Variants in GPHN observed in about 807,000 individuals in gnomAD.
The protein encoded by GPHN is gephyrin.
GPHN carries 17 observed loss-of-function variants against 95.5 expected under a neutral mutation model. The observed-to-expected ratio is 0.18, with a 90% CI of 0.12 to 0.27. GPHN has a LOEUF of 0.27. GPHN is among the 10% of genes least tolerant of loss of function. GPHN has a pLI of 1.00. For synonymous variants in GPHN, 320 were observed against 322.5 expected (o/e 0.99, Z 0.08); for missense variants, 660 against 978.1 (o/e 0.67, Z 4.34).
the GPHN span, among the ~76,000 whole-genome samples, chr14:67,672,326 C>T: frequency 1.4e-3 from 217 of 151,868 alleles, no homozygotes; most frequent in Non-Finnish European, 2.6e-3. Flanking sequence ...ACCATGTTGC[C>T]CAGGCTGGTC....
At chr14:66,947,337 G>A (rs1225822514) in intron 8 of GPHN, among the ~76,000 whole-genome samples, 1 of 152,202 alleles carries the variant, frequency 6.6e-6, no homozygotes, top group African/African-American at 2.4e-5. Flanking sequence ...TATGCCTGCA[G>A]TTATTCTCTA....
chr14:67,513,267 C>T, the GPHN span, among the ~76,000 whole-genome samples: 295 of 152,266 alleles, frequency 1.9e-3, 1 homozygote, highest in African/African-American at 6.9e-3. Flanking sequence ...CCAATAAAGC[C>T]GCTCCAGTGG....
At chr14:66,733,013 G>T (rs1419060278) in intron 2 of GPHN, among the ~76,000 whole-genome samples, 1 of 152,140 alleles carries the variant, frequency 6.6e-6, no homozygotes, top group African/African-American at 2.4e-5. Context: ...TCGGCTCTGG[G>T]TCCCCACCCA....
chr14:67,169,086 A>C lies in GPHN; in HGVS notation c.2079+50A>C, dbSNP rs766315097. ...CCAAAATGGAAGCCTGGTAACAGTT[A>C]GGGATATGATTTCCTAACTGTCCAA... On this transcript the variant is annotated intron_variant, in intron 21 of 22. Transcript: ENST00000478722. 3 of 1,079,026 alleles carry C rather than the reference A, an allele frequency of 2.8e-6. No homozygotes were observed. In the African/African-American group the frequency reaches 4.6e-5, roughly 17 times the overall value. 66.8% of individuals were successfully genotyped at this position (1,079,026 alleles called of 1,614,324 possible). A position where few individuals can be genotyped will look rare whatever the true frequency, so the allele number is the denominator to read the frequency against.
At chr14:67,700,209 G>A in the GPHN span, among the ~76,000 whole-genome samples, 68,267 of 151,910 alleles carry the variant, frequency 0.45, 17,873 homozygotes, top group Non-Finnish European at 0.61. Context: ...ATATTTTTGA[G>A]GAAAGTAAAC....
chr14:66,763,074 T>C (rs958538071), intron 2 of GPHN, among the ~76,000 whole-genome samples: 1 of 152,186 alleles, frequency 6.6e-6, no homozygotes, highest in African/African-American at 2.4e-5. Context: ...ACATGCATAC[T>C]ATATACTGTC....
the GPHN span, among the ~76,000 whole-genome samples, chr14:67,480,816 C>T: frequency 1.3e-5 from 2 of 152,206 alleles, no homozygotes; most frequent in Non-Finnish European, 2.9e-5. Flanking sequence ...CTCTTCTTGC[C>T]TCTGATCTCT....
chr14:66,736,152 C>CT lies in GPHN; in HGVS notation c.144-40302dup, dbSNP rs1011266575. Reference sequence around the variant, plus strand: ...TACTGTAAATAAACACTGAAGGTTACTTTTTTTTTTAAATTCTTAGTCCCT... The same window carrying CT: ...TACTGTAAATAAACACTGAAGGTTACTTTTTTTTTTTAAATTCTTAGTCCCT... On this transcript the variant is annotated intron_variant, in intron 2 of 22. Coordinates refer to ENST00000478722, the MANE Select transcript of GPHN (RefSeq NM_020806.5). 3.0e-4 allele frequency among the ~76,000 whole-genome samples: 44 copies of CT among 148,566 alleles called. 1 individual carries two copies. In the East Asian group the frequency reaches 4.2e-3, roughly 14 times the overall value.
intron 8 of GPHN, among the ~76,000 whole-genome samples, chr14:66,952,780 A>G (rs917362010): frequency 2.0e-5 from 3 of 151,884 alleles, no homozygotes; most frequent in African/African-American, 7.3e-5. Context: ...CTGCAACCTC[A>G]GCCTCCCGGG....
At chr14:67,287,286 A>G in the GPHN span, among the ~76,000 whole-genome samples, 1 of 150,322 alleles carries the variant, frequency 6.7e-6, no homozygotes, top group East Asian at 2.0e-4. Context: ...GTGGCAAAAT[A>G]GGTCTTTTAC....
intron 4 of GPHN, among the ~76,000 whole-genome samples, chr14:66,825,552 A>G (rs913987168): frequency 3.9e-5 from 6 of 152,046 alleles, no homozygotes; most frequent in Non-Finnish European, 7.4e-5. Context: ...TAAAGCTGCA[A>G]TGGGTCTTGA....
rs150659165 is a variant in GPHN, at chr14:66,855,137, G to A, written c.295-24802G>A. Among the ~76,000 whole-genome samples, 834 of 152,226 alleles carry A rather than the reference G, an allele frequency of 5.5e-3. 3 individuals carry two copies. Among genetic ancestry groups the A allele is most frequent in the African/African-American group, 0.019 (794 of 41,528 alleles). On this transcript the variant is annotated intron_variant, in intron 4 of 22. Transcript: ENST00000478722. ...GTTGGGATTATAGGCATGAGCCACC[G>A]TGCCTGGCCCTAATTTAGCCATTTT... is the stretch of plus-strand genomic sequence containing the variant.
chr14:66,560,400 T>A (rs946429380), intron 1 of GPHN, among the ~76,000 whole-genome samples: 7 of 152,216 alleles, frequency 4.6e-5, no homozygotes, highest in Admixed American at 6.5e-5. Flanking sequence ...TTTGTTTGTA[T>A]CCTCTTTTAT....
chr14:66,952,015 TAATTG>T (rs1481502516), intron 8 of GPHN, among the ~76,000 whole-genome samples: 1 of 152,216 alleles, frequency 6.6e-6, no homozygotes, highest in Non-Finnish European at 1.5e-5. Context: ...ATTTCTTTTT[TAATTG>T]AATTGAAGTA....
chr14:67,472,572 G>C, the GPHN span: 9 of 152,366 alleles, frequency 5.9e-5, no homozygotes, highest in Admixed American at 5.9e-4. Flanking sequence ...CAGGCCAGCC[G>C]GAACAGTGGA....
At chr14:67,081,362 C>T (rs570715972) in intron 11 of GPHN, among the ~76,000 whole-genome samples, 7 of 151,456 alleles carry the variant, frequency 4.6e-5, no homozygotes, top group South Asian at 2.1e-4. Context: ...TGATCATTGG[C>T]GATTTTTTTT....
the GPHN span, chr14:67,663,322 T>A: frequency 1.6e-6 from 1 of 622,988 alleles, no homozygotes; most frequent in Admixed American, 3.4e-5. Flanking sequence ...GTTTCATTTT[T>A]AAATAACATT....
chr14:67,269,568 T>G, the GPHN span: 19 of 152,550 alleles, frequency 1.2e-4, no homozygotes, highest in African/African-American at 4.6e-4. Flanking sequence ...TTATGATTTC[T>G]GACTAAGAAA....
chr14:67,397,721 G>A, the GPHN span: 24 of 1,613,410 alleles, frequency 1.5e-5, 1 homozygote, highest in South Asian at 1.9e-4. Flanking sequence ...AGGAGGATCC[G>A]GCCCTTGGGA....
Sources: gnomAD v4.1 joint callset for allele counts (sites outside exome capture counted in the v4.1 genomes callset) on GRCh38, gnomAD v4.1.1 for gene constraint, MANE v1.5 for transcripts, NCBI Gene and HGNC (gene_info 2026-07-23, HGNC 2026-07-21) for gene names.